The following PVT1 variants were observed in gnomAD, a reference collection of about 807,000 sequenced individuals.
The protein encoded by PVT1 is Pvt1 oncogene.
intron 2 of PVT1, among the ~76,000 whole-genome samples, chr8:127,801,738 A>G (rs1366470983): frequency 2.0e-5 from 3 of 152,050 alleles, no homozygotes; most frequent in African/African-American, 7.2e-5. Context: ...TAGGCTGTTC[A>G]CTGTTGTATC....
chr8:128,100,668 A>G (rs552511672), intron 6 of PVT1, among the ~76,000 whole-genome samples: 2 of 152,222 alleles, frequency 1.3e-5, no homozygotes, highest in African/African-American at 2.4e-5. Context: ...AGGTGTGTCA[A>G]TGAGAAAATT....
chr8:128,041,769 C>A (rs952265055), intron 4 of PVT1, among the ~76,000 whole-genome samples: 2 of 152,056 alleles, frequency 1.3e-5, no homozygotes, highest in African/African-American at 2.4e-5. Context: ...TGTCAAGCAT[C>A]CCCTATTACT....
chr8:128,099,599 C>T (rs1157610715), intron 6 of PVT1: 1 of 152,178 alleles, frequency 6.6e-6, no homozygotes, highest in African/African-American at 2.4e-5. Flanking sequence ...ATTTTAATTA[C>T]TTTTATATTG....
chr8:127,959,108 G>T (rs1239940039), intron 3 of PVT1, among the ~76,000 whole-genome samples: 6 of 152,174 alleles, frequency 3.9e-5, no homozygotes, highest in Non-Finnish European at 5.9e-5. Context: ...GGGAGAAAGA[G>T]CAGAAGGGAG....
intron 3 of PVT1, among the ~76,000 whole-genome samples, chr8:127,931,746 G>A (rs555390719): frequency 2.5e-4 from 38 of 152,336 alleles, no homozygotes; most frequent in African/African-American, 8.9e-4. Context: ...CACTCAGCGC[G>A]AGCCAAGCAG....
chr8:128,064,319 T>C (rs1488070145), intron 4 of PVT1, among the ~76,000 whole-genome samples: 2 of 152,234 alleles, frequency 1.3e-5, no homozygotes, highest in East Asian at 3.8e-4. Flanking sequence ...GTATTTACTC[T>C]GGTGGAACGT....
intron 2 of PVT1, among the ~76,000 whole-genome samples, chr8:127,814,667 G>A (rs989346310): frequency 1.3e-5 from 2 of 152,128 alleles, no homozygotes; most frequent in Admixed American, 6.6e-5. Flanking sequence ...TTTTACTGTG[G>A]TAAAATTTAC....
At chr8:127,951,697 T>C (rs1443768275) in intron 3 of PVT1, among the ~76,000 whole-genome samples, 1 of 152,154 alleles carries the variant, frequency 6.6e-6, no homozygotes, top group Non-Finnish European at 1.5e-5. Context: ...GTTTGCCCTA[T>C]TTTGCAGACT....
intron 3 of PVT1, among the ~76,000 whole-genome samples, chr8:127,930,596 G>T (rs559481989): frequency 1.1e-4 from 16 of 152,274 alleles, no homozygotes; most frequent in African/African-American, 2.9e-4. Context: ...AAGATGGTGT[G>T]TGTGTGCATC....
intron 5 of PVT1, among the ~76,000 whole-genome samples, chr8:128,077,138 T>C (rs1563681522): frequency 6.6e-6 from 1 of 152,170 alleles, no homozygotes; most frequent in East Asian, 1.9e-4. Context: ...GCAGACTCAA[T>C]GTGGTTCTGA....
chr8:127,796,781 A>G (rs1448272826), intron 2 of PVT1, among the ~76,000 whole-genome samples: 1 of 150,800 alleles, frequency 6.6e-6, no homozygotes. Context: ...TATTTGTTTT[A>G]TATCAGGTGG....
intron 2 of PVT1, among the ~76,000 whole-genome samples, chr8:127,828,182 C>T (rs1450199056): frequency 2.6e-4 from 40 of 152,112 alleles, no homozygotes; most frequent in Admixed American, 2.6e-3. Flanking sequence ...TCAGTCAAGC[C>T]GAGCTGGCTC....
rs538337401 is a variant in PVT1, at chr8:127,822,059, A to G, written n.372+25988A>G. ...AAACTCTCAGAGCTTCAGTTGTTCT[A>G]TCTGTAAAATGAGTATTGCAATAGT... is the stretch of plus-strand genomic sequence containing the variant. On this transcript the variant is annotated intron_variant and non_coding_transcript_variant, in intron 2 of 10. Coordinates refer to ENST00000651587, the Ensembl canonical transcript of PVT1. 3.3e-5 allele frequency among the ~76,000 whole-genome samples: 5 copies of G among 152,312 alleles called. No individual in the cohort carries two copies. The South Asian group carries it at 6.2e-4, about 19-fold the overall frequency.
At chr8:127,845,545 C>T (rs898828136) in intron 2 of PVT1, among the ~76,000 whole-genome samples, 23 of 152,168 alleles carry the variant, frequency 1.5e-4, no homozygotes, top group African/African-American at 5.6e-4. Flanking sequence ...GCCAAAAATA[C>T]TGTGTGAGTC....
At chr8:127,801,777 T>C (rs931598064) in intron 2 of PVT1, among the ~76,000 whole-genome samples, 2 of 152,156 alleles carry the variant, frequency 1.3e-5, no homozygotes, top group Non-Finnish European at 2.9e-5. Context: ...GCTCTCCATA[T>C]GGTAGCTGTG....
chr8:128,061,692 C>T (rs754333616), intron 4 of PVT1, among the ~76,000 whole-genome samples: 27 of 152,274 alleles, frequency 1.8e-4, no homozygotes, highest in Admixed American at 5.2e-4. Context: ...ATTCATATGA[C>T]GGTGCTAGAA....
At chr8:127,931,364 G>A (rs1034357865) in intron 3 of PVT1, among the ~76,000 whole-genome samples, 4 of 152,122 alleles carry the variant, frequency 2.6e-5, no homozygotes, top group African/African-American at 9.7e-5. Context: ...CTGAATGCAG[G>A]CCCCATCTCT....
chr8:127,890,709 T>G (rs1327121648), exon 3 of PVT1: 3 of 152,212 alleles, frequency 2.0e-5, no homozygotes, highest in African/African-American at 7.2e-5. Context: ...TGATCTTCAG[T>G]GGTCTGGGGA....
At chr8:128,033,112 G>A (rs146292814) in intron 4 of PVT1, among the ~76,000 whole-genome samples, 305 of 152,300 alleles carry the variant, frequency 2.0e-3, no homozygotes, top group African/African-American at 6.7e-3. Flanking sequence ...CTTTGCTGTC[G>A]TCCTTACTTA....
Sources: allele counts gnomAD v4.1 joint callset (sites outside exome capture counted in the v4.1 genomes callset), GRCh38; gene constraint gnomAD v4.1.1; transcripts MANE v1.5; gene names NCBI Gene and HGNC (gene_info 2026-07-23, HGNC 2026-07-21).